Variants in SLC29A3 observed in about 807,000 individuals in gnomAD.
SLC29A3 encodes the protein equilibrative nucleoside transporter 3.
A neutral mutation model predicts 25.4 loss-of-function variants in SLC29A3; 18 were observed. The ratio of observed to expected loss-of-function variants is 0.71; its 90% CI spans 0.49 to 1.05. The LOEUF (loss-of-function observed/expected upper bound fraction) is 1.05, where lower values mean the gene tolerates loss of function less well. SLC29A3 is among the 50% of genes least tolerant of loss of function. The pLI is 0.00. For missense variants in SLC29A3, 586 were observed against 609.0 expected, an observed-to-expected ratio of 0.96 and a Z score of 0.40; for synonymous variants, 258 against 267.1, an observed-to-expected ratio of 0.97 and a Z score of 0.33.
chr10:71,377,296 G>A (rs1430485856), intron 4 of SLC29A3, among the ~76,000 whole-genome samples: 1 of 152,224 alleles, frequency 6.6e-6, no homozygotes. Flanking sequence ...GACGCCCACG[G>A]CAGTGACACA....
At chr10:71,339,989 G>C (rs1244594523) in intron 2 of SLC29A3, among the ~76,000 whole-genome samples, 1 of 152,204 alleles carries the variant, frequency 6.6e-6, no homozygotes, top group Non-Finnish European at 1.5e-5. Flanking sequence ...ACACGGGCTT[G>C]ACACCTCTTC....
In SLC29A3 at chr10:71,362,589, T is replaced by TC. The variant is rs1357509728; in HGVS notation, c.1411dup (p.Leu471ProfsTer85). 1.2e-6 allele frequency: 2 copies of TC among 1,614,014 alleles called. No individual in the cohort carries two copies. Among genetic ancestry groups the TC allele is most frequent in the Non-Finnish European group, 1.7e-6 (2 of 1,180,052 alleles). ...ACACTGGGCTCAGCCTGCTCTACCC[T>TC]CCTGGTGCACCTCATCTAGAAGGGA... On this transcript the variant is annotated frameshift_variant, in exon 6 of 6. Coordinates refer to ENST00000373189, the MANE Select transcript of SLC29A3 (RefSeq NM_018344.6). LOFTEE classifies it high-confidence loss of function.
intron 4 of SLC29A3, among the ~76,000 whole-genome samples, chr10:71,377,463 G>A (rs892024930): frequency 3.1e-4 from 47 of 151,662 alleles, no homozygotes; most frequent in African/African-American, 8.8e-4. Context: ...ACAGCCACCG[G>A]CCACGAAATA....
intron 2 of SLC29A3, among the ~76,000 whole-genome samples, chr10:71,326,451 G>C (rs1274712820): frequency 6.6e-6 from 1 of 152,188 alleles, no homozygotes; most frequent in Non-Finnish European, 1.5e-5. Context: ...GCTTAGCCGG[G>C]GTGCTTTACA....
At chr10:71,347,417 C>T (rs1846620677) in intron 3 of SLC29A3, among the ~76,000 whole-genome samples, 1 of 152,078 alleles carries the variant, frequency 6.6e-6, no homozygotes, top group Admixed American at 6.6e-5. Flanking sequence ...TGAAGCTGTC[C>T]TCTTGGCCAT....
intron 1 of SLC29A3, among the ~76,000 whole-genome samples, chr10:71,320,306 C>CACTA (rs1383618244): frequency 6.6e-6 from 1 of 152,186 alleles, no homozygotes; most frequent in African/African-American, 2.4e-5. Flanking sequence ...TTATTTTTTA[C>CACTA]ATTTTAAACA....
chr10:71,360,976 T>G (rs1847039326), intron 5 of SLC29A3, among the ~76,000 whole-genome samples: 1 of 152,254 alleles, frequency 6.6e-6, no homozygotes, highest in Non-Finnish European at 1.5e-5. Context: ...TATAAGGCAT[T>G]TATATATATT....
intron 2 of SLC29A3, among the ~76,000 whole-genome samples, chr10:71,327,191 G>A (rs1200101921): frequency 2.6e-5 from 4 of 152,184 alleles, no homozygotes; most frequent in African/African-American, 4.8e-5. Flanking sequence ...CTTGACCCAG[G>A]AGGAAGGTTT....
At chr10:71,321,249 G>C (rs1297528560) in intron 1 of SLC29A3, among the ~76,000 whole-genome samples, 3 of 152,180 alleles carry the variant, frequency 2.0e-5, no homozygotes, top group African/African-American at 7.2e-5. Flanking sequence ...CTAATTCCAA[G>C]GGATGCTCTG....
intron 2 of SLC29A3, among the ~76,000 whole-genome samples, chr10:71,324,778 A>G (rs952708379): frequency 7.2e-5 from 11 of 152,048 alleles, no homozygotes; most frequent in African/African-American, 2.7e-4. Flanking sequence ...AGAGGTGGGG[A>G]ATGAGGAACT....
intron 2 of SLC29A3, among the ~76,000 whole-genome samples, chr10:71,340,201 TG>T (rs945011438): frequency 2.0e-5 from 3 of 152,238 alleles, no homozygotes; most frequent in African/African-American, 7.2e-5. Context: ...GTTCCAGCCC[TG>T]CCTTCTTGCT....
intron 4 of SLC29A3, among the ~76,000 whole-genome samples, chr10:71,378,053 G>A (rs1169809007): frequency 7.3e-6 from 1 of 137,768 alleles, no homozygotes; most frequent in East Asian, 2.5e-4. Flanking sequence ...AGGCCATGCA[G>A]GGCCAATCCA....
At chr10:71,330,300 GGCACAAAGCAAGA>G (rs1175049182) in intron 2 of SLC29A3, among the ~76,000 whole-genome samples, 1 of 152,218 alleles carries the variant, frequency 6.6e-6, no homozygotes, top group Non-Finnish European at 1.5e-5. Context: ...CACCTGGGGT[GGCACAAAGCAAGA>G]GCAAGTGAAA....
intron 5 of SLC29A3, among the ~76,000 whole-genome samples, chr10:71,358,509 C>G (rs1036145023): frequency 6.7e-6 from 1 of 150,266 alleles, no homozygotes; most frequent in African/African-American, 2.5e-5. Context: ...TCCAGGCTGA[C>G]GTCCCCGTGC....
rs1847067721 is a variant in SLC29A3, at chr10:71,362,013, AG to A, written c.835del (p.Asp279ThrfsTer24). 1.2e-6 allele frequency: 2 copies of A among 1,613,966 alleles called. No homozygotes were observed. Among genetic ancestry groups the A allele is most frequent in the Non-Finnish European group, 1.7e-6 (2 of 1,179,986 alleles). ...HVFSGEEELP[Q>X]DSLSAPSVAS... Reference sequence around the variant, plus strand: ...TTTTCTGGTGAAGAGGAGCTTCCCCAGGACTCCCTCAGTGCCCCTTCGGTGG... The same window carrying A: ...TTTTCTGGTGAAGAGGAGCTTCCCCAGACTCCCTCAGTGCCCCTTCGGTGG... On this transcript the variant is annotated frameshift_variant, in exon 6 of 6. Coordinates refer to ENST00000373189, the MANE Select transcript of SLC29A3 (RefSeq NM_018344.6). LOFTEE classifies it low-confidence loss of function (END_TRUNC).
At chr10:71,344,834 T>G (rs1846522734) in intron 3 of SLC29A3, among the ~76,000 whole-genome samples, 1 of 152,200 alleles carries the variant, frequency 6.6e-6, no homozygotes, top group Non-Finnish European at 1.5e-5. Flanking sequence ...AAATTCTCAA[T>G]TTGAGTTTAC....
intron 3 of SLC29A3, among the ~76,000 whole-genome samples, chr10:71,345,086 T>C (rs1483590197): frequency 6.6e-6 from 1 of 152,148 alleles, no homozygotes; most frequent in African/African-American, 2.4e-5. Context: ...CTGGGATTGA[T>C]TAGTGATGTC....
chr10:71,324,975 G>GC (rs1845933353), intron 2 of SLC29A3, among the ~76,000 whole-genome samples: 1 of 152,192 alleles, frequency 6.6e-6, no homozygotes, highest in Non-Finnish European at 1.5e-5. Context: ...TTCCACGGCT[G>GC]CCCCAGGCTG....
chr10:71,348,436 A>G (rs1362300759), intron 3 of SLC29A3, among the ~76,000 whole-genome samples: 7 of 152,184 alleles, frequency 4.6e-5, no homozygotes, highest in Non-Finnish European at 7.3e-5. Context: ...GAGGTTGAAT[A>G]TTTGTCAGGG....
Sources: gnomAD v4.1 joint callset for allele counts (sites outside exome capture counted in the v4.1 genomes callset) on GRCh38, gnomAD v4.1.1 for gene constraint, MANE v1.5 for transcripts, NCBI Gene and HGNC (gene_info 2026-07-23, HGNC 2026-07-21) for gene names.